The following CSF1R variants were observed in gnomAD, a reference collection of about 807,000 sequenced individuals.
CSF1R encodes the protein macrophage colony-stimulating factor 1 receptor.
A neutral mutation model predicts 110.0 loss-of-function variants in CSF1R; 40 were observed. That is an observed-to-expected ratio of 0.36 (90% CI 0.28 to 0.47). CSF1R has a LOEUF of 0.47. CSF1R is among the 20% of genes least tolerant of loss of function. The pLI is 0.99. For missense variants in CSF1R, 1,052 were observed against 1,253.0 expected (o/e 0.84, Z 2.42); for synonymous variants, 523 against 503.4 (o/e 1.04, Z -0.52).
chr5:150,078,283 C>A (rs1196717735), intron 3 of CSF1R, 35 bp from the exon 4 acceptor site: 1 of 1,611,996 alleles, frequency 6.2e-7, no homozygotes, highest in South Asian at 1.1e-5. Flanking sequence ...AACACCCAGG[C>A]TCCCTGAACA....
chr5:150,101,070 GAA>G (rs11393780), intron 1 of CSF1R, among the ~76,000 whole-genome samples: 4 of 131,996 alleles, frequency 3.0e-5, no homozygotes, highest in South Asian at 2.4e-4. Context: ...GTTGCTCTCA[GAA>G]AAAAAAAAAA....
chr5:150,068,673 G>C (rs1757892528), intron 9 of CSF1R, among the ~76,000 whole-genome samples: 1 of 152,168 alleles, frequency 6.6e-6, no homozygotes. Context: ...GCCATGGCTT[G>C]CATGCACTAC....
intron 1 of CSF1R, among the ~76,000 whole-genome samples, chr5:150,081,834 A>G (rs1217649155): frequency 6.6e-6 from 1 of 152,248 alleles, no homozygotes; most frequent in Non-Finnish European, 1.5e-5. Context: ...AGGAGAAAAG[A>G]GAACTTGAAA....
At chr5:150,088,837 A>G (rs962845314), upstream of CSF1R, among the ~76,000 whole-genome samples, 5 of 152,234 alleles carry the variant, frequency 3.3e-5, no homozygotes, top group Non-Finnish European at 7.3e-5. Context: ...CCCAGCCACC[A>G]GCAAACCAAA....
At chr5:150,086,556 T>C, upstream of CSF1R, 1 of 854,722 alleles carries the variant, frequency 1.2e-6, no homozygotes, top group East Asian at 2.7e-5. Context: ...TGGCTGTTTG[T>C]CTTGTTTTCC....
rs889372756 is a variant in CSF1R at position 150,086,533 on chromosome 5, C to T, written c.-106G>A. ...GGATCGGGACACTGGACACACGTTCCTCTCCTCTGCACTGGCTGTTTGTCT... is the reference window on the plus strand; with the variant it reads ...GGATCGGGACACTGGACACACGTTCTTCTCCTCTGCACTGGCTGTTTGTCT... On this transcript the variant is annotated 5_prime_UTR_variant, in exon 1 of 21. Transcript: ENST00000675795. 7.2e-5 allele frequency: 76 copies of T among 1,055,962 alleles called. 1 individual carries two copies. In the African/African-American group the frequency reaches 1.0e-3, roughly 14 times the overall value. 65.4% of individuals were successfully genotyped at this position (1,055,962 alleles called of 1,614,324 possible).
At chr5:150,060,123 C>T (rs897865389) in intron 13 of CSF1R, among the ~76,000 whole-genome samples, 5 of 151,788 alleles carry the variant, frequency 3.3e-5, no homozygotes, top group African/African-American at 7.3e-5. Flanking sequence ...GTCAGGAGAT[C>T]GAGACCATCC....
chr5:150,098,589 C>G (rs1055059420), intron 1 of CSF1R: 4 of 151,858 alleles, frequency 2.6e-5, no homozygotes, highest in African/African-American at 7.3e-5. Flanking sequence ...AAATACAGAC[C>G]AAGAGAGAAT....
At chr5:150,071,674 G>T (rs1160672932) in intron 6 of CSF1R, among the ~76,000 whole-genome samples, 1 of 152,106 alleles carries the variant, frequency 6.6e-6, no homozygotes, top group African/African-American at 2.4e-5. Context: ...GTGCTGAATG[G>T]GCCCAGACTA....
At chr5:150,066,127 A>T (rs1201521834) in intron 10 of CSF1R, among the ~76,000 whole-genome samples, 1 of 152,022 alleles carries the variant, frequency 6.6e-6, no homozygotes, top group Admixed American at 6.6e-5. Flanking sequence ...ATGATGCCCG[A>T]CCTCAGACCT....
At chr5:150,087,043 T>C (rs1470640369), upstream of CSF1R, among the ~76,000 whole-genome samples, 1 of 152,222 alleles carries the variant, frequency 6.6e-6, no homozygotes, top group Admixed American at 6.5e-5. Flanking sequence ...TGTGGCTCGA[T>C]CATAGCTCAC....
chr5:150,080,080 G>T lies in CSF1R; in HGVS notation c.564C>A (p.Ser188=). The T allele has an allele frequency of 4.3e-6, 7 of 1,614,018 alleles. No individual in the cohort carries two copies. The highest frequency in any genetic ancestry group is 5.9e-6 in the Non-Finnish European group (7 of 1,179,954). The change falls in exon 3 of 21, where the codon TCC becomes TCA. Residue 188 remains serine (S), a synonymous_variant. Coordinates refer to ENST00000675795, the MANE Select transcript of CSF1R (RefSeq NM_001288705.3). The stretch of plus-strand genomic sequence containing the variant: ...TCTGCACTTTCAGCCGGATGCTGAT[G>T]GACATCACCTTCCTGCCACCCATCA... ...SALMGGRKVM[S]ISIRLKVQKV... is the part of the protein sequence containing the mutation.
intron 19 of CSF1R, 121 bp downstream of exon 19, chr5:150,055,116 A>C: frequency 8.8e-6 from 7 of 797,884 alleles, no homozygotes; most frequent in Non-Finnish European, 1.0e-5. Context: ...CCACTATGGG[A>C]GAGATAAAGT....
chr5:150,080,615 G>A (rs1050390515), intron 2 of CSF1R, 152 bp downstream of exon 2: 2 of 1,034,682 alleles, frequency 1.9e-6, no homozygotes, highest in South Asian at 3.3e-5. Flanking sequence ...GTTGTTGTGA[G>A]GACTGCATTA....
chr5:150,075,173 C>A (rs904131892), intron 5 of CSF1R, among the ~76,000 whole-genome samples: 12 of 152,204 alleles, frequency 7.9e-5, no homozygotes, highest in African/African-American at 2.9e-4. Flanking sequence ...AGTCTGTGAG[C>A]TTTTGGGGGC....
intron 10 of CSF1R, among the ~76,000 whole-genome samples, chr5:150,065,694 G>A (rs1314746236): frequency 1.3e-5 from 2 of 151,728 alleles, no homozygotes; most frequent in African/African-American, 4.9e-5. Context: ...GGACACCTCG[G>A]CCTGGAGCTA....
intron 1 of CSF1R, among the ~76,000 whole-genome samples, chr5:150,103,492 C>T (rs1248214603): frequency 1.3e-5 from 2 of 152,242 alleles, no homozygotes; most frequent in African/African-American, 2.4e-5. Context: ...TCTCCAAGCA[C>T]ATCTGGCCTC....
Position 150,079,487 on chromosome 5 carries a change from C to T in CSF1R, c.592+565G>A, listed in dbSNP as rs116634186. Among the ~76,000 whole-genome samples, 507 of 152,330 alleles carry T rather than the reference C, an allele frequency of 3.3e-3. 4 individuals carry two copies. The highest frequency in any genetic ancestry group is 0.012 in the African/African-American group (487 of 41,580). ...CCTGGCCACCGCGAGAGCCATCACA[C>T]GCACCCACCATCTCCTCCCTGCCTC... On this transcript the variant is annotated intron_variant, in intron 3 of 20. Transcript: ENST00000675795.
intron 12 of CSF1R, 43 bp from the exon 13 acceptor site, chr5:150,061,015 G>T: frequency 7.2e-7 from 1 of 1,395,670 alleles, no homozygotes. Context: ...GAGAGGGCAG[G>T]ACAGAGAGCA....
Sources: allele counts gnomAD v4.1 joint callset (sites outside exome capture counted in the v4.1 genomes callset), GRCh38; gene constraint gnomAD v4.1.1; transcripts MANE v1.5; gene names NCBI Gene and HGNC (gene_info 2026-07-23, HGNC 2026-07-21).